TNRC18: variants seen among roughly 807,000 people sequenced by gnomAD.
TNRC18 encodes the protein trinucleotide repeat-containing gene 18 protein.
In TNRC18, 69 loss-of-function variants were observed where a neutral mutation model predicts 226.7. That is an observed-to-expected ratio of 0.30 (90% CI 0.25 to 0.37). The LOEUF is 0.37. Ranked by LOEUF, TNRC18 falls within the 10% of genes least tolerant of loss-of-function variation. The probability of loss-of-function intolerance (pLI) is 1.00; values close to 1 mark genes in which losing one functional copy is unlikely to be tolerated. For synonymous variants in TNRC18, 2,449 were observed against 1,927.6 expected (o/e 1.27, Z -7.09); for missense variants, 4,754 against 4,256.6 (o/e 1.12, Z -3.25).
chr7:5,318,915 A>T (rs182174056), intron 24 of TNRC18, among the ~76,000 whole-genome samples: 110 of 152,232 alleles, frequency 7.2e-4, no homozygotes, highest in African/African-American at 2.5e-3. Context: ...ACTCCCACAG[A>T]CTCTTCCTCA....
Position 5,362,725 on chromosome 7 carries a change from T to C in TNRC18, c.4320A>G (p.Pro1440=). 1 of 1,577,460 alleles carries C rather than the reference T, an allele frequency of 6.3e-7. No homozygotes were observed. ...CCCGCGGGAGCCGCAGGTTCTTGAG[T>C]GGGTCCACCACGGGCCCATCCAGCA... ...REVLDGPVVD[P]LKNLRLPREL... is the part of the protein sequence containing the mutation. Residue 1440 remains proline, a synonymous_variant, in exon 12 of 30, where the codon CCA becomes CCG. Coordinates refer to ENST00000430969, the MANE Select transcript of TNRC18 (RefSeq NM_001080495.3).
rs539499271 is a variant in TNRC18, at chr7:5,371,225, G to T, written c.3369C>A (p.Arg1123=). The T allele has an allele frequency of 5.9e-5, 94 of 1,605,494 alleles. No individual in the cohort carries two copies. Among genetic ancestry groups the T allele is most frequent in the Non-Finnish European group, 7.9e-5 (93 of 1,174,838 alleles). ...DVPLPADGPE[R]LALSPEDKPI... ...GCTTGTCTTCGGGTGAGAGTGCCAG[G>T]CGCTCGGGCCCATCAGCCGGGAGCG... is the stretch of plus-strand genomic sequence containing the variant. The change falls in exon 11 of 30, where the codon CGC becomes CGA. Residue 1123 remains arginine, a synonymous_variant. Transcript: ENST00000430969.
intron 11 of TNRC18, among the ~76,000 whole-genome samples, chr7:5,366,020 G>A (rs984372210): frequency 6.6e-6 from 1 of 152,080 alleles, no homozygotes; most frequent in East Asian, 1.9e-4. Flanking sequence ...GCGGTGAGCC[G>A]AAAACCATAT....
chr7:5,366,012 G>C (rs376354582), intron 11 of TNRC18, among the ~76,000 whole-genome samples: 3 of 152,096 alleles, frequency 2.0e-5, no homozygotes, highest in African/African-American at 7.2e-5. Context: ...CGGAGACTGC[G>C]GTGAGCCGAA....
In TNRC18 at chr7:5,357,206, G is replaced by C. The variant is rs533356960; in HGVS notation, c.4904C>G (p.Ser1635Cys). 1 of 1,611,974 alleles carries C rather than the reference G, an allele frequency of 6.2e-7. No individual in the cohort carries two copies. The highest frequency in any genetic ancestry group is 2.2e-5 in the East Asian group (1 of 44,850). ...QLASKLDKALSLTKQDKLKSP... is the reference protein window; with the variant it reads ...QLASKLDKALCLTKQDKLKSP... Reference sequence around the variant, plus strand: ...CTTCAACTTGTCCTGCTTGGTGAGGGAGAGGGCCTTGTCGAGCTTGCTTGC... The same window carrying C: ...CTTCAACTTGTCCTGCTTGGTGAGGCAGAGGGCCTTGTCGAGCTTGCTTGC... Residue 1635 changes from serine (S) to cysteine (C), a missense_variant, in exon 16 of 30, where the codon TCC (serine) becomes TGC (cysteine). By Grantham distance (112) the Ser-to-Cys change is moderately radical. Coordinates refer to ENST00000430969, the MANE Select transcript of TNRC18 (RefSeq NM_001080495.3).
chr7:5,382,688 C>T (rs1447726318), intron 5 of TNRC18, among the ~76,000 whole-genome samples: 1 of 152,172 alleles, frequency 6.6e-6, no homozygotes, highest in Admixed American at 6.5e-5. Context: ...CAGACCTGGC[C>T]CCACCCTAGA....
chr7:5,390,209 T>A, intron 4 of TNRC18: 1 of 517,948 alleles, frequency 1.9e-6, no homozygotes, highest in Non-Finnish European at 3.4e-6. Flanking sequence ...ACAGAAAAGT[T>A]AAAAAGTCAG....
At chr7:5,342,986 C>T (rs1246636944) in intron 18 of TNRC18, among the ~76,000 whole-genome samples, 1 of 152,212 alleles carries the variant, frequency 6.6e-6, no homozygotes, top group Non-Finnish European at 1.5e-5. Flanking sequence ...TTACAACTCA[C>T]TAAAGGTTCA....
At chr7:5,383,952 G>A (rs1020706679) in intron 5 of TNRC18, among the ~76,000 whole-genome samples, 21 of 139,356 alleles carry the variant, frequency 1.5e-4, no homozygotes, top group African/African-American at 5.7e-4. Flanking sequence ...CAGCATACCC[G>A]GGTGATTTTT....
In TNRC18 at chr7:5,370,611, G is replaced by C. The variant is rs756196386; in HGVS notation, c.3983C>G (p.Ser1328Cys). Residue 1328 changes from serine to cysteine, a missense_variant, in exon 11 of 30, where the codon TCT becomes TGT. By Grantham distance (112) the Ser-to-Cys change is moderately radical (BLOSUM62 -1). Coordinates refer to ENST00000430969, the MANE Select transcript of TNRC18 (RefSeq NM_001080495.3). ...GSTCFLEEAS[S>C]DQFLPSLEDP... is the part of the protein sequence containing the mutation. ...CTCCAGACTGGGCAGGAACTGGTCA[G>C]AGCTTGCCTCTTCCAGGAAGCAGGT... The C allele has an allele frequency of 1.1e-5, 17 of 1,613,218 alleles. No homozygotes were observed. The Admixed American group carries it at 1.5e-4, about 14-fold the overall frequency.
chr7:5,314,356 A>G (rs1453121791), intron 26 of TNRC18, among the ~76,000 whole-genome samples: 4 of 152,030 alleles, frequency 2.6e-5, no homozygotes, highest in Admixed American at 1.3e-4. Flanking sequence ...CGGTTCCCCT[A>G]TAACAACCTT....
chr7:5,364,822 AAAG>A (rs1233467806), intron 11 of TNRC18, among the ~76,000 whole-genome samples: 2 of 151,854 alleles, frequency 1.3e-5, no homozygotes, highest in East Asian at 3.9e-4. Context: ...AAAAAAAAAA[AAAG>A]ATCTCAATCA....
chr7:5,374,295 G>C lies in TNRC18; in HGVS notation c.2989C>G (p.Arg997Gly). 2 of 1,458,958 alleles carry C rather than the reference G, an allele frequency of 1.4e-6. No homozygotes were observed. Among genetic ancestry groups the C allele is most frequent in the South Asian group, 2.9e-5 (2 of 69,374 alleles). 90.4% of individuals were successfully genotyped at this position (1,458,958 alleles called of 1,614,324 possible). ...GKAVSPPPSP[R>G]ASPVAALKAK... ...TTCAGGGCAGCCACAGGGGATGCGC[G>C]GGGTGATGGTGGCGGGCTCACGGCC... is the stretch of plus-strand genomic sequence containing the variant. The change falls in exon 10 of 30, where the codon CGC becomes GGC. Residue 997 changes from arginine (R) to glycine (G), a missense_variant. Physicochemically the swap from Arg to Gly is moderately radical, Grantham distance 125 (BLOSUM62 -2). Coordinates refer to ENST00000430969, the MANE Select transcript of TNRC18 (RefSeq NM_001080495.3).
intron 3 of TNRC18, 44 bp from the exon 4 acceptor site, chr7:5,390,672 G>A: frequency 2.0e-6 from 3 of 1,464,798 alleles, no homozygotes; most frequent in Non-Finnish European, 2.7e-6. Flanking sequence ...AATTCGTGCT[G>A]CTCACCAGGA....
chr7:5,326,732 G>A (rs748253529), intron 19 of TNRC18, among the ~76,000 whole-genome samples: 4 of 151,816 alleles, frequency 2.6e-5, no homozygotes, highest in African/African-American at 4.8e-5. Context: ...ACTTGCACCC[G>A]GTAGGCGGAG....
At chr7:5,420,614 G>A (rs1228690149) in intron 2 of TNRC18, 2 of 457,782 alleles carry the variant, frequency 4.4e-6, no homozygotes, top group South Asian at 3.1e-5. Context: ...GCGAGTGGTG[G>A]AGCTGGGAAC....
At position 5,352,048 on chromosome 7, in the gene TNRC18, G is replaced by A. The variant is rs747874882; in HGVS notation, c.5241C>T (p.Pro1747=). 34 of 1,612,542 alleles carry A rather than the reference G, an allele frequency of 2.1e-5. No homozygotes were observed. The highest frequency in any genetic ancestry group is 8.4e-5 in the Admixed American group (5 of 59,648). The part of the protein sequence containing the change: ...EDEEFLKDEW[P]AQGPSSSKLT... ...GTTTGGAGCTGGAGGGGCCTTGGGC[G>A]GGCCACTCGTCCTTCAGGAATTCTT... is the stretch of plus-strand genomic sequence containing the variant. Residue 1747 remains proline (P), a synonymous_variant, in exon 17 of 30, where the codon CCC becomes CCT. Transcript: ENST00000430969.
chr7:5,374,686 G>A (rs574590285), intron 9 of TNRC18, among the ~76,000 whole-genome samples: 2 of 152,232 alleles, frequency 1.3e-5, no homozygotes, highest in Non-Finnish European at 2.9e-5. Flanking sequence ...GTTCCACGCA[G>A]AACCCCAAAA....
Position 5,410,326 on chromosome 7 carries a change from A to C in TNRC18, c.187+10734T>G, listed in dbSNP as rs550973509. 1.3e-4 allele frequency among the ~76,000 whole-genome samples: 19 copies of C among 151,352 alleles called. No homozygotes were observed. In the East Asian group the frequency reaches 2.5e-3, roughly 20 times the overall value. On this transcript the variant is annotated intron_variant, in intron 2 of 29. Coordinates refer to ENST00000430969, the MANE Select transcript of TNRC18 (RefSeq NM_001080495.3). ...ACTCTGTCTCAAAAAAAAAAAAAAA[A>C]AAAAGAAAAGAAAAAATTCAATGAT...
Sources: gnomAD v4.1 joint callset for allele counts (sites outside exome capture counted in the v4.1 genomes callset) on GRCh38, gnomAD v4.1.1 for gene constraint, MANE v1.5 for transcripts, NCBI Gene and HGNC (gene_info 2026-07-23, HGNC 2026-07-21) for gene names.